The following FSTL4 variants were observed in gnomAD, a reference collection of about 807,000 sequenced individuals.
FSTL4 encodes follistatin like 4, also known as follistatin-related protein 4.
A neutral mutation model predicts 78.2 loss-of-function variants in FSTL4; 28 were observed. The observed-to-expected ratio is 0.36, with a 90% confidence interval of 0.27 to 0.49. The LOEUF (loss-of-function observed/expected upper bound fraction) is 0.49, where lower values mean the gene tolerates loss of function less well. Among genes scored for constraint, FSTL4 ranks in the 20% least tolerant of loss-of-function variants. The pLI, the probability that FSTL4 is intolerant of heterozygous loss-of-function variation, is 0.98. For synonymous variants in FSTL4, 422 were observed against 440.5 expected, an observed-to-expected ratio of 0.96 and a Z score of 0.53; for missense variants, 922 against 1,084.9, an observed-to-expected ratio of 0.85 and a Z score of 2.11.
intron 3 of FSTL4, among the ~76,000 whole-genome samples, chr5:133,434,329 A>C (rs1756998628): frequency 6.6e-6 from 1 of 152,192 alleles, no homozygotes. Flanking sequence ...ACTATATTTC[A>C]CCTTAGTCTT....
the FSTL4 span, among the ~76,000 whole-genome samples, chr5:133,719,487 T>C: frequency 1.3e-5 from 2 of 151,888 alleles, no homozygotes; most frequent in African/African-American, 2.4e-5. Flanking sequence ...CTAACCACCA[T>C]GGGGAAACCC....
At chr5:133,204,502 A>G (rs1399861083) in intron 14 of FSTL4, among the ~76,000 whole-genome samples, 2 of 152,130 alleles carry the variant, frequency 1.3e-5, no homozygotes, top group Non-Finnish European at 2.9e-5. Context: ...TGGCCTTTGG[A>G]AAAATTCTGA....
At chr5:133,453,249 C>A (rs1255116049) in intron 3 of FSTL4, among the ~76,000 whole-genome samples, 1 of 152,198 alleles carries the variant, frequency 6.6e-6, no homozygotes, top group East Asian at 1.9e-4. Flanking sequence ...GCCACCTTCT[C>A]TTGAAGTCTG....
the FSTL4 span, among the ~76,000 whole-genome samples, chr5:133,712,445 G>C: frequency 6.6e-6 from 1 of 152,206 alleles, no homozygotes; most frequent in South Asian, 2.1e-4. Context: ...TGATTTCAGA[G>C]CTGGGTTGAC....
At chr5:133,759,295 A>G in the FSTL4 span, among the ~76,000 whole-genome samples, 2 of 152,230 alleles carry the variant, frequency 1.3e-5, no homozygotes, top group Non-Finnish European at 2.9e-5. Context: ...AAGAATGCCA[A>G]TACTCAATGG....
At chr5:133,718,330 C>A in the FSTL4 span, among the ~76,000 whole-genome samples, 1 of 152,234 alleles carries the variant, frequency 6.6e-6, no homozygotes, top group East Asian at 1.9e-4. Flanking sequence ...CCGCCTGCCT[C>A]GGCCTCCCAA....
intron 3 of FSTL4, among the ~76,000 whole-genome samples, chr5:133,477,003 G>A (rs758816743): frequency 5.3e-5 from 8 of 152,202 alleles, no homozygotes; most frequent in Non-Finnish European, 7.3e-5. Context: ...CACACAGTAC[G>A]TCCTCAGTAA....
chr5:133,235,610 A>T (rs980776152), intron 7 of FSTL4, among the ~76,000 whole-genome samples: 1 of 152,148 alleles, frequency 6.6e-6, no homozygotes, highest in Non-Finnish European at 1.5e-5. Context: ...TGGTGAGCAC[A>T]TGCAGCCTGC....
the FSTL4 span, among the ~76,000 whole-genome samples, chr5:133,645,089 A>G: frequency 6.6e-6 from 1 of 151,890 alleles, no homozygotes; most frequent in African/African-American, 2.4e-5. Flanking sequence ...CCTCTCCACT[A>G]TAGAGTATTG....
chr5:133,323,875 G>A (rs545376024), intron 4 of FSTL4, among the ~76,000 whole-genome samples: 5 of 152,322 alleles, frequency 3.3e-5, no homozygotes, highest in South Asian at 2.1e-4. Flanking sequence ...AAGGTCAGTC[G>A]CAGATCCGGC....
At chr5:133,647,119 G>A in the FSTL4 span, among the ~76,000 whole-genome samples, 1 of 152,118 alleles carries the variant, frequency 6.6e-6, no homozygotes, top group Non-Finnish European at 1.5e-5. Context: ...GGGTTCCATG[G>A]ATTGGGATCT....
chr5:133,512,469 T>A (rs1758755059), intron 3 of FSTL4, among the ~76,000 whole-genome samples: 1 of 152,226 alleles, frequency 6.6e-6, no homozygotes, highest in African/African-American at 2.4e-5. Flanking sequence ...ATTTTTCCAG[T>A]TTGTTTTTTA....
At chr5:133,263,101 T>C (rs1054122373) in intron 6 of FSTL4, among the ~76,000 whole-genome samples, 1 of 152,058 alleles carries the variant, frequency 6.6e-6, no homozygotes, top group East Asian at 1.9e-4. Flanking sequence ...GAATCCAGGA[T>C]GAATACTGGG....
At chr5:133,642,236 G>C in the FSTL4 span, among the ~76,000 whole-genome samples, 7 of 152,190 alleles carry the variant, frequency 4.6e-5, no homozygotes, top group Admixed American at 3.9e-4. Flanking sequence ...TAGCTTCTGA[G>C]ATAGAAGTGC....
chr5:133,393,921 G>A (rs760898798), intron 4 of FSTL4, among the ~76,000 whole-genome samples: 1 of 152,374 alleles, frequency 6.6e-6, no homozygotes, highest in Non-Finnish European at 1.5e-5. Context: ...CACTGCCCAT[G>A]GCTCCTGAGC....
At chr5:133,606,529 G>A (rs946186466) in intron 1 of FSTL4, among the ~76,000 whole-genome samples, 9 of 152,190 alleles carry the variant, frequency 5.9e-5, no homozygotes, top group African/African-American at 1.2e-4. Context: ...AACAGCGAGT[G>A]GATTTTTGGA....
chr5:133,248,194 C>G (rs999521123), intron 7 of FSTL4: 1 of 152,316 alleles, frequency 6.6e-6, no homozygotes, highest in Non-Finnish European at 1.5e-5. Context: ...CCAAATTGAT[C>G]TCCTTTTGAG....
At chr5:133,368,555 G>T (rs1248338311) in intron 4 of FSTL4, among the ~76,000 whole-genome samples, 1 of 152,254 alleles carries the variant, frequency 6.6e-6, no homozygotes, top group Non-Finnish European at 1.5e-5. Flanking sequence ...GATGTCAGAA[G>T]TGAGGGTACC....
the FSTL4 span, among the ~76,000 whole-genome samples, chr5:133,807,119 C>T: frequency 1.3e-5 from 2 of 152,222 alleles, no homozygotes; most frequent in African/African-American, 2.4e-5. Context: ...TGTTAAACAG[C>T]CTCTTCACAT....
Sources: gnomAD v4.1 joint callset for allele counts (sites outside exome capture counted in the v4.1 genomes callset) on GRCh38, gnomAD v4.1.1 for gene constraint, MANE v1.5 for transcripts, NCBI Gene and HGNC (gene_info 2026-07-23, HGNC 2026-07-21) for gene names.